The following NRAP variants were observed in gnomAD, a reference collection of about 807,000 sequenced individuals.
The protein encoded by NRAP is nebulin-related-anchoring protein.
Under a neutral mutation model 225.9 loss-of-function variants are expected in NRAP, and 189 were observed. The ratio of observed to expected loss-of-function variants is 0.84; its 90% CI spans 0.74 to 0.94. The LOEUF is 0.94. Among genes scored for constraint, NRAP ranks in the 40% least tolerant of loss-of-function variants. NRAP has a pLI of 0.00. For synonymous variants in NRAP, 769 were observed against 790.7 expected (o/e 0.97, Z 0.46); for missense variants, 2,176 against 2,168.7 (o/e 1.00, Z -0.07).
chr10:113,633,191 G>A lies in NRAP; in HGVS notation c.1528-3C>T. Reference sequence around the variant, plus strand: ...TCATAGTCAGCACGGTAATTCACCTGTTGGATTTAAAATAAATCTGTAGGG... The same window carrying A: ...TCATAGTCAGCACGGTAATTCACCTATTGGATTTAAAATAAATCTGTAGGG... On this transcript the variant is annotated splice_polypyrimidine_tract_variant and splice_region_variant and intron_variant, in intron 15 of 41. Transcript: ENST00000359988. 1 of 1,521,418 alleles carries A rather than the reference G, an allele frequency of 6.6e-7. No homozygotes were observed. The highest frequency in any genetic ancestry group is 9.1e-7 in the Non-Finnish European group (1 of 1,095,644). The allele number at this position is 1,521,418 out of a possible 1,614,324, so 94.2% of individuals were successfully genotyped here.
intron 31 of NRAP, 40 bp downstream of exon 31, chr10:113,610,419 G>A (rs772178580): frequency 1.1e-6 from 1 of 922,986 alleles, no homozygotes; most frequent in Non-Finnish European, 1.8e-6. Flanking sequence ...CCTCTGCTGT[G>A]GAAATGTCCT....
At chr10:113,636,114 C>A (rs1453694829) in intron 14 of NRAP, among the ~76,000 whole-genome samples, 13 of 152,246 alleles carry the variant, frequency 8.5e-5, no homozygotes, top group Non-Finnish European at 1.5e-5. Flanking sequence ...TCTTTTCTTG[C>A]CCAAGGCCAA....
In NRAP at chr10:113,641,387, T is replaced by G. The variant is rs765209193; in HGVS notation, c.1301A>C (p.Lys434Thr). The change falls in exon 13 of 42, where the codon AAA (lysine) becomes ACA (threonine). Residue 434 changes from lysine (K) to threonine (T), a missense_variant. Lys to Thr is a moderately conservative substitution (Grantham distance 78). Coordinates refer to ENST00000359988, the MANE Select transcript of NRAP (RefSeq NM_198060.4). ...CACGTTGCTTGCCAGGCTGCCAACT[T>G]TCATAGCATGCAGAGTGCGTCTGTC... is the stretch of plus-strand genomic sequence containing the variant. ...GMDRRTLHAM[K>T]VGSLASNVAY... The G allele has an allele frequency of 1.2e-6, 2 of 1,613,316 alleles. No individual in the cohort carries two copies. Among genetic ancestry groups the G allele is most frequent in the East Asian group, 4.5e-5 (2 of 44,864 alleles).
In NRAP at chr10:113,653,008, C is replaced by T. The variant is rs1564759902; in HGVS notation, c.497G>A (p.Gly166Asp). ...EYTEDYEQPR[G>D]KGSFPAMITP... is the part of the protein sequence containing the mutation. ...GATCATGGCTGGAAAGCTCCCCTTG[C>T]CCCTGGGTTGCTCATAGTCTTCTGT... The change falls in exon 6 of 42, where the codon GGC (glycine) becomes GAC (aspartate). Residue 166 changes from glycine (G) to aspartate (D), a missense_variant. By Grantham distance (94) the Gly-to-Asp change is moderately conservative. Around this residue, in one of 3 missense-constraint regions of NRAP, gnomAD observed 1,708 missense variants for 1,695.5 expected, o/e 1.01. Transcript: ENST00000359988. 2.5e-6 allele frequency: 4 copies of T among 1,612,366 alleles called. No individual in the cohort carries two copies.
chr10:113,615,350 G>A (rs1247251383), intron 27 of NRAP, among the ~76,000 whole-genome samples: 1 of 152,174 alleles, frequency 6.6e-6, no homozygotes, highest in Non-Finnish European at 1.5e-5. Context: ...GACAGATTTT[G>A]GAGAGGAGGA....
intron 3 of NRAP, among the ~76,000 whole-genome samples, chr10:113,661,698 T>A (rs1020023147): frequency 6.6e-6 from 1 of 152,146 alleles, no homozygotes; most frequent in Non-Finnish European, 1.5e-5. Context: ...TTTCAAGAGG[T>A]TGGATTTGGC....
At chr10:113,657,392 GTAATAA>G in intron 4 of NRAP, 72 bp downstream of exon 4, 1 of 791,490 alleles carries the variant, frequency 1.3e-6, no homozygotes, top group Non-Finnish European at 2.2e-6. Context: ...TTCTCTAGAA[GTAATAA>G]TAATAATACA....
At chr10:113,593,330 G>A (rs1447911641) in intron 38 of NRAP, among the ~76,000 whole-genome samples, 1 of 152,172 alleles carries the variant, frequency 6.6e-6, no homozygotes, top group Non-Finnish European at 1.5e-5. Context: ...AAGCAAAGGA[G>A]GAGTGGCAGA....
Position 113,612,306 on chromosome 10 carries a change from C to A in NRAP, c.3426G>T (p.Leu1142=), listed in dbSNP as rs1218332278. Reference sequence around the variant, plus strand: ...CTTCTGCCAAGGAAGTGTACTGGGGCAGTGGATGTTTGTAGTCCTGATTGC... The same window carrying A: ...CTTCTGCCAAGGAAGTGTACTGGGGAAGTGGATGTTTGTAGTCCTGATTGC... ...LASNQDYKHP[L]PQYTSLAEDL... Residue 1142 remains leucine (L), a synonymous_variant, in exon 30 of 42, where the codon CTG becomes CTT. Coordinates refer to ENST00000359988, the MANE Select transcript of NRAP (RefSeq NM_198060.4). 6.2e-7 allele frequency: 1 copy of A among 1,614,186 alleles called. No homozygotes were observed. The highest frequency in any genetic ancestry group is 8.5e-7 in the Non-Finnish European group (1 of 1,180,012).
chr10:113,589,305 G>A (rs1564686642), intron 41 of NRAP: 4 of 580,068 alleles, frequency 6.9e-6, no homozygotes, highest in Non-Finnish European at 1.2e-5. Flanking sequence ...TCTGAACAAA[G>A]TAGGGTTCAA....
chr10:113,607,549 T>A (rs923569778), intron 32 of NRAP, among the ~76,000 whole-genome samples: 1 of 150,946 alleles, frequency 6.6e-6, no homozygotes, highest in African/African-American at 2.4e-5. Context: ...ACAAAGCTCA[T>A]AAAGTAAGCA....
At chr10:113,643,346 G>A (rs1358888105) in intron 11 of NRAP, among the ~76,000 whole-genome samples, 1 of 152,170 alleles carries the variant, frequency 6.6e-6, no homozygotes, top group Non-Finnish European at 1.5e-5. Context: ...ACTCTTGAGT[G>A]GAAATGCATT....
At chr10:113,632,187 G>A (rs1297865956) in intron 16 of NRAP, among the ~76,000 whole-genome samples, 3 of 152,218 alleles carry the variant, frequency 2.0e-5, no homozygotes, top group African/African-American at 7.2e-5. Flanking sequence ...GAAGCCCCAT[G>A]TGTTGCTCCT....
rs1570273 is a variant in NRAP, at chr10:113,595,544, T to A, written c.4536+79A>T. Reference sequence around the variant, plus strand: ...TCCTCCTTCCTAGAACTTTTTTTTTTAAAAAAACGAAATCCACATTGGGCA... The same window carrying A: ...TCCTCCTTCCTAGAACTTTTTTTTTAAAAAAAACGAAATCCACATTGGGCA... On this transcript the variant is annotated intron_variant, in intron 38 of 41. Transcript: ENST00000359988. The A allele has an allele frequency of 1.0e-3, 881 of 876,860 alleles. 7 individuals carry two copies. In the African/African-American group the frequency reaches 0.011, roughly 11 times the overall value. 54.3% of individuals were successfully genotyped at this position (876,860 alleles called of 1,614,324 possible).
Position 113,590,770 on chromosome 10 carries a change from C to G in NRAP, c.4764G>C (p.Glu1588Asp), listed in dbSNP as rs372593802. The G allele has an allele frequency of 2.0e-5, 33 of 1,614,070 alleles. No individual in the cohort carries two copies. Among genetic ancestry groups the G allele is most frequent in the African/African-American group, 6.7e-5 (5 of 74,916 alleles). The change falls in exon 40 of 42, where the codon GAG becomes GAC. Residue 1588 changes from glutamate to aspartate, a missense_variant. Around this residue, in one of 3 missense-constraint regions of NRAP, gnomAD observed 445 missense variants for 426.1 expected, o/e 1.04. Coordinates refer to ENST00000359988, the MANE Select transcript of NRAP (RefSeq NM_198060.4). ...LNVGRLQSDN[E>D]YKKDFAKSRS... ...GACTCTTGGCAAAGTCCTTCTTGTACTCATTGTCACTCTGGAGCCTGCCAA... is the reference window on the plus strand; with the variant it reads ...GACTCTTGGCAAAGTCCTTCTTGTAGTCATTGTCACTCTGGAGCCTGCCAA...
chr10:113,634,282 G>T, intron 14 of NRAP, 72 bp from the exon 15 acceptor site: 2 of 1,087,358 alleles, frequency 1.8e-6, no homozygotes, highest in Non-Finnish European at 2.8e-6. Context: ...CCTCTCCCAA[G>T]CCCAATAAAG....
intron 41 of NRAP, 158 bp from the exon 42 acceptor site, chr10:113,589,237 C>A (rs1285363458): frequency 1.6e-6 from 1 of 616,662 alleles, no homozygotes; most frequent in East Asian, 2.8e-5. Context: ...GAAAAAGGGC[C>A]TTCAAGGCAG....
intron 3 of NRAP, among the ~76,000 whole-genome samples, chr10:113,660,709 A>T (rs1000842816): frequency 1.3e-5 from 2 of 152,216 alleles, no homozygotes; most frequent in South Asian, 4.1e-4. Flanking sequence ...GGTAAAGTAC[A>T]TCTCCTCATG....
chr10:113,640,103 C>T (rs1008107494), intron 14 of NRAP, 124 bp downstream of exon 14: 17 of 568,434 alleles, frequency 3.0e-5, no homozygotes, highest in Non-Finnish European at 5.0e-5. Flanking sequence ...TCCCTTTCCT[C>T]AATCCCTTCA....
Sources: gnomAD v4.1 joint callset for allele counts (sites outside exome capture counted in the v4.1 genomes callset) on GRCh38, gnomAD v4.1.1 for gene constraint, gnomAD v4.1.1 regional missense constraint, MANE v1.5 for transcripts, NCBI Gene and HGNC (gene_info 2026-07-23, HGNC 2026-07-21) for gene names.